The following UTS2B variants were observed in gnomAD, a reference collection of about 807,000 sequenced individuals.
The protein encoded by UTS2B is urotensin-2B.
Under a neutral mutation model 19.2 loss-of-function variants are expected in UTS2B, and 21 were observed. The observed-to-expected ratio is 1.09, with a 90% CI of 0.78 to 1.58. The LOEUF is 1.58. Among genes scored for constraint, UTS2B ranks in the 40% most tolerant of loss-of-function variants. The probability of loss-of-function intolerance (pLI) is 0.00; values close to 1 mark genes in which losing one functional copy is unlikely to be tolerated. For missense variants in UTS2B, 138 were observed against 130.3 expected (o/e 1.06, Z -0.29); for synonymous variants, 57 against 50.2 (o/e 1.14, Z -0.58).
intron 2 of UTS2B, among the ~76,000 whole-genome samples, chr3:191,322,101 T>A (rs1051556002): frequency 3.3e-5 from 5 of 152,196 alleles, no homozygotes; most frequent in Non-Finnish European, 7.3e-5. Context: ...TCATTATGTA[T>A]AATATATGAA....
chr3:191,329,510 G>A, intron 1 of UTS2B: 4 of 599,226 alleles, frequency 6.7e-6, no homozygotes, highest in South Asian at 2.7e-5. Context: ...CGCTGCTTTG[G>A]TCACCAGCCC....
chr3:191,285,613 C>G (rs2572057), intron 4 of UTS2B, among the ~76,000 whole-genome samples: 76,895 of 152,022 alleles, frequency 0.51, 21,197 homozygotes, highest in Middle Eastern at 0.63. Context: ...TACATAAGTT[C>G]AAAGTGCGCC....
At chr3:191,338,398 G>A in the UTS2B span, among the ~76,000 whole-genome samples, 1 of 152,158 alleles carries the variant, frequency 6.6e-6, no homozygotes, top group Non-Finnish European at 1.5e-5. Context: ...GAGAAAGATA[G>A]GGGCTCACTT....
At chr3:191,269,081 G>T (rs1429576301) in intron 8 of UTS2B, among the ~76,000 whole-genome samples, 1 of 152,104 alleles carries the variant, frequency 6.6e-6, no homozygotes, top group Non-Finnish European at 1.5e-5. Context: ...TCTTCTGTAG[G>T]TTGTTACCAA....
At chr3:191,288,303 A>G (rs1716612011) in intron 4 of UTS2B, among the ~76,000 whole-genome samples, 2 of 152,230 alleles carry the variant, frequency 1.3e-5, no homozygotes, top group Admixed American at 6.5e-5. Context: ...GAACTACAGA[A>G]GATCCCAAAT....
chr3:191,283,441 T>A (rs566233806), intron 4 of UTS2B, among the ~76,000 whole-genome samples: 71 of 152,156 alleles, frequency 4.7e-4, no homozygotes, highest in African/African-American at 1.7e-3. Flanking sequence ...AGTCATAACC[T>A]TTTTTTTCTC....
chr3:191,272,685 A>G (rs888125216), intron 8 of UTS2B, among the ~76,000 whole-genome samples: 2 of 151,508 alleles, frequency 1.3e-5, no homozygotes, highest in Admixed American at 1.3e-4. Flanking sequence ...ATATGGTGAA[A>G]CCTGTCTCTA....
chr3:191,278,165 C>T lies in UTS2B; in HGVS notation c.109G>A (p.Glu37Lys), dbSNP rs1447616243. Residue 37 changes from glutamate (E) to lysine (K), a missense_variant, in exon 6 of 9, where the codon GAA becomes AAA. Coordinates refer to ENST00000340524, the MANE Select transcript of UTS2B (RefSeq NM_198152.5). ...HGRPYLTQGN[E>K]IFPDKKYTNR... is the part of the protein sequence containing the mutation. The stretch of plus-strand genomic sequence containing the variant: ...GTATATTTTTTATCTGGAAATATTT[C>T]ATTTCCTATAATGATCAAAAACCAC... 6 of 1,496,932 alleles carry T rather than the reference C, an allele frequency of 4.0e-6. No homozygotes were observed. In the African/African-American group the frequency reaches 8.5e-5, roughly 21 times the overall value. The allele number at this position is 1,496,932 out of a possible 1,614,324, so 92.7% of individuals were successfully genotyped here.
chr3:191,315,375 G>A lies in UTS2B; in HGVS notation c.-182+661C>T, dbSNP rs150207388. Among the ~76,000 whole-genome samples the A allele has an allele frequency of 2.4e-3, 361 of 152,256 alleles. 3 individuals carry two copies. The highest frequency in any genetic ancestry group is 8.4e-3 in the African/African-American group (348 of 41,536). On this transcript the variant is annotated intron_variant, in intron 3 of 8. Transcript: ENST00000340524. ...TGTGACCCCTGATTTACACCTGGTC[G>A]CTCAGAAGCACAGGTAGAACAACTT...
chr3:191,306,844 C>A (rs569425939), intron 3 of UTS2B, among the ~76,000 whole-genome samples: 1 of 152,066 alleles, frequency 6.6e-6, no homozygotes, highest in Non-Finnish European at 1.5e-5. Context: ...GTTGGCCAGG[C>A]GGGTCTTGAA....
chr3:191,343,195 A>C, the UTS2B span, among the ~76,000 whole-genome samples: 5 of 152,338 alleles, frequency 3.3e-5, no homozygotes, highest in Non-Finnish European at 5.9e-5. Flanking sequence ...AGTCCCCCTC[A>C]CGTATACCCA....
At chr3:191,294,387 AG>A (rs1716802945) in intron 4 of UTS2B, among the ~76,000 whole-genome samples, 1 of 151,910 alleles carries the variant, frequency 6.6e-6, no homozygotes, top group African/African-American at 2.4e-5. Flanking sequence ...TGCCTTTGTA[AG>A]AAAAAAAACT....
At chr3:191,329,114 G>C in intron 1 of UTS2B, 1 of 153,782 alleles carries the variant, frequency 6.5e-6, no homozygotes, top group East Asian at 1.9e-4. Context: ...TGACCCGTGT[G>C]GCCTTTTTGT....
At chr3:191,273,274 T>A (rs1045380129) in intron 8 of UTS2B, 2 of 337,224 alleles carry the variant, frequency 5.9e-6, no homozygotes, top group Non-Finnish European at 1.2e-5. Flanking sequence ...TGGGGTTGTC[T>A]CTAATGAGAA....
At chr3:191,343,579 G>A in the UTS2B span, among the ~76,000 whole-genome samples, 1 of 152,198 alleles carries the variant, frequency 6.6e-6, no homozygotes, top group Non-Finnish European at 1.5e-5. Context: ...GATTTTAAGA[G>A]TAATTAGTTG....
At chr3:191,272,731 C>T (rs550930535) in intron 8 of UTS2B, among the ~76,000 whole-genome samples, 4 of 151,636 alleles carry the variant, frequency 2.6e-5, no homozygotes, top group East Asian at 3.9e-4. Flanking sequence ...CGTGGTGGTG[C>T]GTGCCTGTTA....
chr3:191,334,066 A>C (rs368651241), upstream of UTS2B, among the ~76,000 whole-genome samples: 2 of 152,094 alleles, frequency 1.3e-5, no homozygotes, highest in South Asian at 2.1e-4. Context: ...AATAGGTTTA[A>C]TTTTTTGTTC....
At chr3:191,289,565 T>C (rs1425123709) in intron 4 of UTS2B, among the ~76,000 whole-genome samples, 3 of 151,774 alleles carry the variant, frequency 2.0e-5, no homozygotes, top group African/African-American at 7.3e-5. Context: ...GTAAAGAAAA[T>C]GTGGTATATA....
chr3:191,337,327 C>G, the UTS2B span, among the ~76,000 whole-genome samples: 1 of 152,084 alleles, frequency 6.6e-6, no homozygotes, highest in Non-Finnish European at 1.5e-5. Context: ...GTTGATTGAA[C>G]TCTTATGACA....
Sources: gnomAD v4.1 joint callset for allele counts (sites outside exome capture counted in the v4.1 genomes callset) on GRCh38, gnomAD v4.1.1 for gene constraint, MANE v1.5 for transcripts, NCBI Gene and HGNC (gene_info 2026-07-23, HGNC 2026-07-21) for gene names.